ANO2: variants seen among roughly 807,000 people sequenced by gnomAD.
ANO2 encodes anoctamin 2, also known as anoctamin-2.
Under a neutral mutation model 124.2 loss-of-function variants are expected in ANO2, and 101 were observed. That is an observed-to-expected ratio of 0.81 (90% CI 0.69 to 0.96). The LOEUF (loss-of-function observed/expected upper bound fraction) is 0.96, where lower values mean the gene tolerates loss of function less well. Among genes scored for constraint, ANO2 ranks in the 40% least tolerant of loss-of-function variants. ANO2 has a pLI of 0.00. For synonymous variants in ANO2, 486 were observed against 482.5 expected (o/e 1.01, Z -0.09); for missense variants, 1,293 against 1,274.5 (o/e 1.01, Z -0.22).
chr12:5,807,465 A>G lies in ANO2; in HGVS notation c.893-97T>C, dbSNP rs1237268614. 2.9e-6 allele frequency: 3 copies of G among 1,042,764 alleles called. No individual in the cohort carries two copies. In the East Asian group the frequency reaches 7.9e-5, roughly 28 times the overall value. 64.6% of individuals were successfully genotyped at this position (1,042,764 alleles called of 1,614,324 possible). A position where few individuals can be genotyped will look rare whatever the true frequency, so the allele number is the denominator to read the frequency against. ...TAAATAAGCTTTCACATGCCCCCCC[A>G]GTTGAGAATCACTGCATCCTCCTCT... is the stretch of plus-strand genomic sequence containing the variant. On this transcript the variant is annotated intron_variant, in intron 7 of 24. Transcript: ENST00000682330.
rs191378270 is a variant in ANO2 at position 5,782,337 on chromosome 12, T to C, written c.1055+17170A>G. The stretch of plus-strand genomic sequence containing the variant: ...TATCTGTGCCTGTATATTTAAAGTG[T>C]GTTTCTGGTAAACAGCATATAATTG... On this transcript the variant is annotated intron_variant, in intron 10 of 24. Coordinates refer to ENST00000682330, the MANE Select transcript of ANO2 (RefSeq NM_001364791.2). Among the ~76,000 whole-genome samples, 14 of 152,340 alleles carry C rather than the reference T, an allele frequency of 9.2e-5. No homozygotes were observed. The East Asian group carries it at 2.1e-3, about 23-fold the overall frequency.
chr12:5,641,637 C>G (rs1004647148), intron 15 of ANO2, among the ~76,000 whole-genome samples: 1 of 152,214 alleles, frequency 6.6e-6, no homozygotes, highest in Non-Finnish European at 1.5e-5. Flanking sequence ...CCCATTCCCA[C>G]CACTCTGCTC....
chr12:5,647,848 A>G (rs1435864648), intron 14 of ANO2, 47 bp from the exon 15 acceptor site: 3 of 1,427,282 alleles, frequency 2.1e-6, no homozygotes, highest in East Asian at 2.3e-5. Context: ...CACAAATAAC[A>G]GATATTAATT....
chr12:5,781,369 G>A (rs955574459), intron 10 of ANO2, among the ~76,000 whole-genome samples: 6 of 152,122 alleles, frequency 3.9e-5, no homozygotes, highest in Non-Finnish European at 8.8e-5. Flanking sequence ...TTGAACTCAG[G>A]GGTGGTGCCC....
intron 14 of ANO2, among the ~76,000 whole-genome samples, chr12:5,731,394 G>A (rs752590885): frequency 1.3e-5 from 2 of 150,862 alleles, no homozygotes; most frequent in East Asian, 1.9e-4. Context: ...TTTTGGGCTC[G>A]AAAACACCAC....
At chr12:5,879,645 T>G (rs1324136837) in intron 3 of ANO2, among the ~76,000 whole-genome samples, 1 of 152,160 alleles carries the variant, frequency 6.6e-6, no homozygotes, top group Non-Finnish European at 1.5e-5. Flanking sequence ...GAGACAATGC[T>G]TGAGCTAAGA....
chr12:5,679,747 G>A (rs1404100727), intron 14 of ANO2, among the ~76,000 whole-genome samples: 1 of 152,188 alleles, frequency 6.6e-6, no homozygotes, highest in Admixed American at 6.5e-5. Flanking sequence ...CAAAGACCTA[G>A]AACCAGAAAT....
chr12:5,599,936 C>T (rs765828963), intron 19 of ANO2, among the ~76,000 whole-genome samples: 11 of 152,220 alleles, frequency 7.2e-5, no homozygotes, highest in East Asian at 1.9e-4. Context: ...AATGCTGAGA[C>T]GGCACCAGTC....
intron 19 of ANO2, among the ~76,000 whole-genome samples, chr12:5,608,424 T>C (rs1461782297): frequency 1.3e-5 from 2 of 151,966 alleles, no homozygotes; most frequent in Non-Finnish European, 2.9e-5. Flanking sequence ...ATAATTATGT[T>C]GTACACATCC....
Position 5,852,848 on chromosome 12 carries a change from CGTGT to C in ANO2, c.633+1191_633+1194del, listed in dbSNP as rs71445682. On this transcript the variant is annotated intron_variant, in intron 4 of 24. Transcript: ENST00000682330. ...TATACAACTACACTATGGAAAGGGACGTGTGTGTGTGTGTGTGTGTGTGTGTGTG... is the reference window on the plus strand; with the variant it reads ...TATACAACTACACTATGGAAAGGGACGTGTGTGTGTGTGTGTGTGTGTGTG... 9.5e-3 allele frequency among the ~76,000 whole-genome samples: 1,180 copies of C among 123,922 alleles called. 5 individuals carry two copies. The highest frequency in any genetic ancestry group is 0.017 in the African/African-American group (535 of 32,394). 81.3% of individuals were successfully genotyped at this position (123,922 alleles called of 152,430 possible).
chr12:5,771,117 C>T (rs1318842732), intron 10 of ANO2, among the ~76,000 whole-genome samples: 1 of 152,210 alleles, frequency 6.6e-6, no homozygotes, highest in African/African-American at 2.4e-5. Context: ...ACTTGTTCTG[C>T]CCTGTTCACT....
intron 7 of ANO2, among the ~76,000 whole-genome samples, chr12:5,812,838 GGAAGGAAGGAGAAGGACA>G (rs1953470133): frequency 7.0e-6 from 1 of 142,784 alleles, no homozygotes; most frequent in Non-Finnish European, 1.5e-5. Context: ...AAGGAAAGAA[GGAAGGAAGGAGAAGGACA>G]GAAGGAAGGA....
In ANO2 at chr12:5,635,677, G is replaced by A. The variant is rs1042005126; in HGVS notation, c.1621-330C>T. Reference sequence around the variant, plus strand: ...CTGTGGAGTGTTCAACACACATGACGCAATTTCTTTCATTAGGGAGCTTTT... The same window carrying A: ...CTGTGGAGTGTTCAACACACATGACACAATTTCTTTCATTAGGGAGCTTTT... On this transcript the variant is annotated intron_variant, in intron 15 of 24. Coordinates refer to ENST00000682330, the MANE Select transcript of ANO2 (RefSeq NM_001364791.2). The surrounding 1 kb of genome is among the most constrained non-coding windows in gnomAD (Gnocchi z 5.2). Among the ~76,000 whole-genome samples, 1 of 151,204 alleles carries A rather than the reference G, an allele frequency of 6.6e-6. No individual in the cohort carries two copies. Among genetic ancestry groups the A allele is most frequent in the Non-Finnish European group, 1.5e-5 (1 of 67,904 alleles).
intron 10 of ANO2, among the ~76,000 whole-genome samples, chr12:5,798,573 G>C (rs554060594): frequency 6.6e-6 from 1 of 152,284 alleles, no homozygotes; most frequent in East Asian, 1.9e-4. Context: ...GGTGACTTCA[G>C]GGCAGTGAGT....
intron 16 of ANO2, among the ~76,000 whole-genome samples, chr12:5,620,495 C>A (rs1255114922): frequency 6.6e-6 from 1 of 151,976 alleles, no homozygotes; most frequent in East Asian, 1.9e-4. Context: ...AGGGGTTGAA[C>A]TGGAATTCTA....
At chr12:5,935,595 G>C (rs1469272113) in intron 1 of ANO2, among the ~76,000 whole-genome samples, 2 of 152,094 alleles carry the variant, frequency 1.3e-5, no homozygotes, top group Non-Finnish European at 2.9e-5. Context: ...ATATCCCAAA[G>C]GACAAAACTG....
At chr12:5,662,960 A>T (rs1450171525) in intron 14 of ANO2, among the ~76,000 whole-genome samples, 1 of 152,226 alleles carries the variant, frequency 6.6e-6, no homozygotes, top group Non-Finnish European at 1.5e-5. Context: ...GAACAGAATC[A>T]TTTCCAAAGC....
At chr12:5,716,522 T>C (rs1039669742) in intron 14 of ANO2, among the ~76,000 whole-genome samples, 14 of 152,282 alleles carry the variant, frequency 9.2e-5, no homozygotes, top group Admixed American at 5.2e-4. Flanking sequence ...ATAAGCATGC[T>C]GAGATTCTTG....
chr12:5,841,071 C>T (rs1434699623), intron 4 of ANO2, among the ~76,000 whole-genome samples: 1 of 152,230 alleles, frequency 6.6e-6, no homozygotes, highest in Non-Finnish European at 1.5e-5. Flanking sequence ...ACCCACTGCT[C>T]TCCCCGCCAG....
Sources: allele counts gnomAD v4.1 joint callset (sites outside exome capture counted in the v4.1 genomes callset), GRCh38; gene constraint gnomAD v4.1.1; non-coding constraint Gnocchi (gnomAD v3.1); transcripts MANE v1.5; gene names NCBI Gene and HGNC (gene_info 2026-07-23, HGNC 2026-07-21).